Variants in TRAPPC9 observed in about 807,000 individuals in gnomAD.
TRAPPC9 encodes trafficking protein particle complex subunit 9, also known as IKK2 binding protein.
A neutral mutation model predicts 124.0 loss-of-function variants in TRAPPC9; 83 were observed. That is an observed-to-expected ratio of 0.67 (90% CI 0.56 to 0.80). TRAPPC9 has a LOEUF of 0.80. Among genes scored for constraint, TRAPPC9 ranks in the 30% least tolerant of loss-of-function variants. TRAPPC9 has a pLI of 0.00. For missense variants in TRAPPC9, 1,302 were observed against 1,508.3 expected, an observed-to-expected ratio of 0.86 and a Z score of 2.27; for synonymous variants, 638 against 617.5, an observed-to-expected ratio of 1.03 and a Z score of -0.49.
intron 18 of TRAPPC9, among the ~76,000 whole-genome samples, chr8:140,021,522 T>C (rs1258333487): frequency 6.6e-6 from 1 of 152,252 alleles, no homozygotes; most frequent in Non-Finnish European, 1.5e-5. Flanking sequence ...TTCTATTTAT[T>C]CACTTATTTA....
At chr8:140,090,383 G>A (rs1308055087) in intron 17 of TRAPPC9, among the ~76,000 whole-genome samples, 2 of 152,198 alleles carry the variant, frequency 1.3e-5, no homozygotes, top group Non-Finnish European at 2.9e-5. Flanking sequence ...CGAGGGCTGA[G>A]AGAACTCAGC....
chr8:139,814,118 C>T lies in TRAPPC9; in HGVS notation c.3055+71761G>A, dbSNP rs1042999118. Reference sequence around the variant, plus strand: ...GCTCGAAGCCCGGCAAGAAGAATCACGTTCCTCCGGCAGCCGCCACAGCTG... The same window carrying T: ...GCTCGAAGCCCGGCAAGAAGAATCATGTTCCTCCGGCAGCCGCCACAGCTG... On this transcript the variant is annotated intron_variant, in intron 21 of 22. Coordinates refer to ENST00000438773, the MANE Select transcript of TRAPPC9 (RefSeq NM_001160372.4). Among the ~76,000 whole-genome samples, 7 of 152,344 alleles carry T rather than the reference C, an allele frequency of 4.6e-5. No individual in the cohort carries two copies. The East Asian group carries it at 5.8e-4, about 13-fold the overall frequency.
intron 19 of TRAPPC9, among the ~76,000 whole-genome samples, chr8:139,915,362 T>C (rs893416081): frequency 2.4e-4 from 37 of 152,330 alleles, no homozygotes; most frequent in African/African-American, 7.2e-4. Context: ...TTCTCGTGCC[T>C]CAGCCTCCCG....
chr8:140,164,415 T>C (rs1202104991), intron 17 of TRAPPC9, among the ~76,000 whole-genome samples: 1 of 152,356 alleles, frequency 6.6e-6, no homozygotes, highest in South Asian at 2.1e-4. Context: ...ATATCTTTTC[T>C]GGACAATGCC....
intron 4 of TRAPPC9, among the ~76,000 whole-genome samples, chr8:140,428,436 C>A (rs2070505841): frequency 6.6e-6 from 1 of 152,156 alleles, no homozygotes; most frequent in African/African-American, 2.4e-5. Context: ...GAAATCAGGT[C>A]CATACGTCTC....
intron 16 of TRAPPC9, among the ~76,000 whole-genome samples, chr8:140,243,196 C>G (rs73714814): frequency 0.063 from 9,518 of 152,228 alleles, 528 homozygotes; most frequent in African/African-American, 0.15. Flanking sequence ...CCGTGACCTA[C>G]AAAAACAAGG....
At chr8:140,173,553 CAAAAAA>C (rs57984220) in intron 17 of TRAPPC9, among the ~76,000 whole-genome samples, 5 of 59,804 alleles carry the variant, frequency 8.4e-5, no homozygotes, top group Non-Finnish European at 1.5e-4. Context: ...GACTCTGTCT[CAAAAAA>C]AAAAAAAAAA....
intron 21 of TRAPPC9, chr8:139,881,028 C>T (rs1268157339): frequency 2.0e-5 from 3 of 152,232 alleles, no homozygotes; most frequent in Non-Finnish European, 4.4e-5. Flanking sequence ...GGATTATATT[C>T]GCATTATTTG....
chr8:140,143,332 A>C (rs1161285493), intron 17 of TRAPPC9, among the ~76,000 whole-genome samples: 1 of 151,500 alleles, frequency 6.6e-6, no homozygotes, highest in East Asian at 1.9e-4. Flanking sequence ...CACTTCCCTG[A>C]CTCCCTTTCA....
In TRAPPC9 at chr8:140,334,235, G is replaced by A. The variant is rs77646865; in HGVS notation, c.1496-22861C>T. Among the ~76,000 whole-genome samples, 1,206 of 152,190 alleles carry A rather than the reference G, an allele frequency of 7.9e-3. 13 individuals are homozygous for A. Among genetic ancestry groups the A allele is most frequent in the African/African-American group, 0.026 (1,083 of 41,514 alleles). On this transcript the variant is annotated intron_variant, in intron 9 of 22. Coordinates refer to ENST00000438773, the MANE Select transcript of TRAPPC9 (RefSeq NM_001160372.4). The stretch of plus-strand genomic sequence containing the variant: ...ATAAGGAAGAAGCCTATCTTAAATC[G>A]CTCAACTGGAGTCCCACATCTTCAA...
At chr8:140,372,010 T>C (rs1316841140) in intron 7 of TRAPPC9, among the ~76,000 whole-genome samples, 1 of 152,140 alleles carries the variant, frequency 6.6e-6, no homozygotes, top group Non-Finnish European at 1.5e-5. Context: ...GCCAACAACT[T>C]CTGTTTCTTC....
chr8:140,107,266 A>G (rs1227115841), intron 17 of TRAPPC9, among the ~76,000 whole-genome samples: 2 of 152,216 alleles, frequency 1.3e-5, no homozygotes, highest in Admixed American at 6.5e-5. Flanking sequence ...ACAAGGTCTT[A>G]GTAATTATGA....
upstream of TRAPPC9, chr8:140,458,418 C>T: frequency 1.3e-6 from 2 of 1,591,528 alleles, no homozygotes; most frequent in Non-Finnish European, 1.7e-6. Flanking sequence ...CACGGTCGTG[C>T]CCCCCACGTG....
chr8:139,732,102 C>T lies in TRAPPC9; in HGVS notation c.3156G>A (p.Pro1052=), dbSNP rs1283119651. Residue 1052 remains proline (P), a synonymous_variant, in exon 22 of 23, where the codon CCG becomes CCA. Coordinates refer to ENST00000438773, the MANE Select transcript of TRAPPC9 (RefSeq NM_001160372.4). ...RLEVRLTNRS[P]RSVGPFALTV... ...TGAGGGCGAAGGGCCCTACGCTGCG[C>T]GGGCTCCGGTTGGTCAGCCGCACCT... 1.4e-5 allele frequency: 23 copies of T among 1,606,364 alleles called. No individual in the cohort carries two copies. The highest frequency in any genetic ancestry group is 9.4e-5 in the African/African-American group (7 of 74,866).
chr8:139,895,784 C>A (rs1563902460), intron 20 of TRAPPC9, among the ~76,000 whole-genome samples: 4 of 152,206 alleles, frequency 2.6e-5, no homozygotes, highest in Non-Finnish European at 5.9e-5. Flanking sequence ...TGCTTTCCCT[C>A]CTGATTCTCT....
intron 20 of TRAPPC9, among the ~76,000 whole-genome samples, chr8:139,899,360 T>A (rs1363911768): frequency 6.6e-6 from 1 of 152,156 alleles, no homozygotes; most frequent in Non-Finnish European, 1.5e-5. Context: ...TATTACATAC[T>A]ATATTATTAC....
intron 17 of TRAPPC9, among the ~76,000 whole-genome samples, chr8:140,212,784 T>G (rs1315321475): frequency 6.6e-6 from 1 of 152,204 alleles, no homozygotes; most frequent in Non-Finnish European, 1.5e-5. Flanking sequence ...TTGTCTTTTT[T>G]AAGAAGTTTT....
chr8:140,170,926 G>C (rs1386413138), intron 17 of TRAPPC9, among the ~76,000 whole-genome samples: 1 of 152,190 alleles, frequency 6.6e-6, no homozygotes, highest in East Asian at 1.9e-4. Flanking sequence ...AGGTGGGTCA[G>C]AGGTTTTTCA....
At chr8:140,217,538 C>G (rs1180607702) in intron 17 of TRAPPC9, among the ~76,000 whole-genome samples, 2 of 152,166 alleles carry the variant, frequency 1.3e-5, no homozygotes, top group Non-Finnish European at 2.9e-5. Flanking sequence ...TATAACCCCG[C>G]ATCTGGACTT....
Sources: gnomAD v4.1 joint callset for allele counts (sites outside exome capture counted in the v4.1 genomes callset) on GRCh38, gnomAD v4.1.1 for gene constraint, MANE v1.5 for transcripts, NCBI Gene and HGNC (gene_info 2026-07-23, HGNC 2026-07-21) for gene names.